Variants in DIAPH2 observed in about 807,000 individuals in gnomAD.
DIAPH2 encodes protein diaphanous homolog 2.
A neutral mutation model predicts 92.7 loss-of-function variants in DIAPH2; 35 were observed. That is an observed-to-expected ratio of 0.38 (90% CI 0.29 to 0.50). The LOEUF (loss-of-function observed/expected upper bound fraction) is 0.50. Among genes scored for constraint, DIAPH2 ranks in the 20% least tolerant of loss-of-function variants. The pLI, the probability that DIAPH2 is intolerant of heterozygous loss-of-function variation, is 0.94. For missense variants in DIAPH2, 701 were observed against 819.5 expected, an observed-to-expected ratio of 0.86 and a Z score of 1.77; for synonymous variants, 301 against 280.4, an observed-to-expected ratio of 1.07 and a Z score of -0.73.
intron 26 of DIAPH2, among the ~76,000 whole-genome samples, chrX:97,589,710 T>G (rs2071504643): frequency 8.9e-6 from 1 of 112,358 alleles, no homozygotes; most frequent in African/African-American, 3.2e-5. Flanking sequence ...TCCCAATAGA[T>G]GTAAATGTCA....
chrX:96,901,177 G>T (rs771486888), intron 5 of DIAPH2, among the ~76,000 whole-genome samples: 72 of 110,364 alleles, frequency 6.5e-4, no homozygotes, highest in African/African-American at 2.3e-3. Flanking sequence ...GTTTATTCCT[G>T]ATTTAATCTA....
At chrX:96,823,059 G>T (rs770401184) in intron 4 of DIAPH2, among the ~76,000 whole-genome samples, 2 of 111,646 alleles carry the variant, frequency 1.8e-5, no homozygotes, top group Non-Finnish European at 3.8e-5. Flanking sequence ...AAAGAATACT[G>T]CAGTTTAATA....
At chrX:96,898,472 G>A (rs1239282154) in intron 5 of DIAPH2, among the ~76,000 whole-genome samples, 1 of 72,862 alleles carries the variant, frequency 1.4e-5, no homozygotes, top group Non-Finnish European at 3.2e-5. Context: ...TTCTCTGATG[G>A]CCAGTGATGG....
intron 22 of DIAPH2, among the ~76,000 whole-genome samples, chrX:97,185,471 A>ATGTG (rs2067590096): frequency 6.5e-4 from 16 of 24,714 alleles, no homozygotes; most frequent in African/African-American, 2.5e-3. Context: ...ATATATATAT[A>ATGTG]CACATATATA....
chrX:97,358,206 G>A (rs757703071), intron 24 of DIAPH2, among the ~76,000 whole-genome samples: 10 of 111,898 alleles, frequency 8.9e-5, no homozygotes, highest in African/African-American at 3.2e-4. Flanking sequence ...GATTATCTAG[G>A]GCAAAAGCAA....
chrX:97,518,449 T>G (rs1386742059), intron 26 of DIAPH2, among the ~76,000 whole-genome samples: 1 of 110,561 alleles, frequency 9.0e-6, no homozygotes. Flanking sequence ...GAAAAACATG[T>G]TCCAAAATTT....
At chrX:96,833,146 AATATGGAAGTTCTGTATGGAGGCACAG>A (rs1265423394) in intron 4 of DIAPH2, among the ~76,000 whole-genome samples, 1 of 110,834 alleles carries the variant, frequency 9.0e-6, no homozygotes, top group Admixed American at 9.7e-5. Context: ...GGGAGGCACA[AATATGGAAGTTCTGTATGGAGGCACAG>A]ATTTAGCTCT....
chrX:97,040,198 A>T, intron 17 of DIAPH2, among the ~76,000 whole-genome samples: 2 of 104,063 alleles, frequency 1.9e-5, no homozygotes, highest in Non-Finnish European at 2.0e-5. Context: ...TTTCTCCCAG[A>T]TGATGGTATG....
intron 17 of DIAPH2, among the ~76,000 whole-genome samples, chrX:97,016,404 C>A (rs2066260833): frequency 8.9e-6 from 1 of 111,853 alleles, no homozygotes. Context: ...GTTGCATCAT[C>A]AGAGTGTCGT....
intron 22 of DIAPH2, among the ~76,000 whole-genome samples, chrX:97,185,024 A>T (rs773557493): frequency 1.5e-4 from 16 of 107,774 alleles, no homozygotes; most frequent in Non-Finnish European, 3.1e-4. Context: ...CACGCATGTA[A>T]TCCCAGCACT....
chrX:96,736,377 G>A (rs1297417310), intron 2 of DIAPH2, among the ~76,000 whole-genome samples: 4 of 110,803 alleles, frequency 3.6e-5, no homozygotes, highest in African/African-American at 9.9e-5. Flanking sequence ...CAAAGGAGAT[G>A]AAGGTATGTG....
Position 97,141,743 on chromosome X carries a change from G to T in DIAPH2, c.2668G>T (p.Asp890Tyr). ...CGACATTTGTGAGGAAAAATATCGA[G>T]ATATCCTAAAATTTCCTGAAGAACT... ...IADICEEKYRDILKFPEELEH... is the reference protein window; with the variant it reads ...IADICEEKYRYILKFPEELEH... The change falls in exon 22 of 27, where the codon GAT (aspartate) becomes TAT (tyrosine). Residue 890 changes from aspartate to tyrosine, a missense_variant. Physicochemically the swap from Asp to Tyr is radical, Grantham distance 160. This residue lies in a region of DIAPH2 where 536 missense variants were observed against 599.3 expected (regional missense o/e 0.89). Coordinates refer to ENST00000324765, the MANE Select transcript of DIAPH2 (RefSeq NM_006729.5). 8.3e-7 allele frequency: 1 copy of T among 1,204,755 alleles called. No homozygotes were observed. Among genetic ancestry groups the T allele is most frequent in the Non-Finnish European group, 1.1e-6 (1 of 893,040 alleles).
chrX:96,700,995 G>C (rs1199229983), intron 1 of DIAPH2, among the ~76,000 whole-genome samples: 1 of 111,629 alleles, frequency 9.0e-6, no homozygotes, highest in Non-Finnish European at 1.9e-5. Flanking sequence ...GAAGCCGTTA[G>C]GTGTATTGTC....
At chrX:96,767,606 T>C (rs1042851467) in intron 4 of DIAPH2, among the ~76,000 whole-genome samples, 7 of 111,802 alleles carry the variant, frequency 6.3e-5, no homozygotes, top group African/African-American at 2.3e-4. Flanking sequence ...AAAGACTACA[T>C]GGTAAAATGA....
At chrX:97,115,786 G>T (rs1368920375) in intron 21 of DIAPH2, among the ~76,000 whole-genome samples, 2 of 111,440 alleles carry the variant, frequency 1.8e-5, no homozygotes, top group Non-Finnish European at 3.8e-5. Context: ...ATCTTGTTTT[G>T]ATTGGATCAT....
At chrX:97,122,683 G>A (rs1347533359) in intron 21 of DIAPH2, among the ~76,000 whole-genome samples, 1 of 111,953 alleles carries the variant, frequency 8.9e-6, no homozygotes, top group Non-Finnish European at 1.9e-5. Context: ...GACTTTGTGG[G>A]TTATAATTTG....
Position 96,962,400 on chromosome X carries a change from TATAC to T in DIAPH2, c.1936-2691_1936-2688del, listed in dbSNP as rs1243851546. Among the ~76,000 whole-genome samples the T allele has an allele frequency of 4.8e-5, 3 of 62,795 alleles. 1 individual carries two copies. The highest frequency in any genetic ancestry group is 2.0e-4 in the African/African-American group (3 of 15,356). 54.5% of individuals were successfully genotyped at this position (62,795 alleles called of 115,157 possible). ...ATATACACATATATATACACATATA[TATAC>T]ACATATATATATACACATATATATA... On this transcript the variant is annotated intron_variant, in intron 16 of 26. Coordinates refer to ENST00000324765, the MANE Select transcript of DIAPH2 (RefSeq NM_006729.5).
At chrX:97,596,116 G>T in intron 26 of DIAPH2, among the ~76,000 whole-genome samples, 1 of 111,869 alleles carries the variant, frequency 8.9e-6, no homozygotes, top group Non-Finnish European at 1.9e-5. Flanking sequence ...TCCATTTTGG[G>T]ATTGATTTCT....
intron 23 of DIAPH2, among the ~76,000 whole-genome samples, chrX:97,264,789 G>A (rs757525736): frequency 2.7e-5 from 3 of 111,503 alleles, no homozygotes; most frequent in Non-Finnish European, 5.6e-5. Flanking sequence ...TTCAATACCA[G>A]CCTGGCCAAG....
Sources: allele counts gnomAD v4.1 joint callset (sites outside exome capture counted in the v4.1 genomes callset), GRCh38; gene constraint gnomAD v4.1.1; regional missense constraint gnomAD v4.1.1; transcripts MANE v1.5; gene names NCBI Gene and HGNC (gene_info 2026-07-23, HGNC 2026-07-21).